The following PHF24 variants were observed in gnomAD, a reference collection of about 807,000 sequenced individuals.
The protein encoded by PHF24 is PHD finger protein 24.
PHF24 carries 25 observed loss-of-function variants against 42.6 expected under a neutral mutation model. The ratio of observed to expected loss-of-function variants is 0.59; its 90% CI spans 0.43 to 0.82. The LOEUF is 0.82. Ranked by LOEUF, PHF24 falls within the 40% of genes least tolerant of loss-of-function variation. The pLI is 0.00. For synonymous variants in PHF24, 185 were observed against 204.8 expected, an observed-to-expected ratio of 0.90 and a Z score of 0.83; for missense variants, 470 against 538.1, an observed-to-expected ratio of 0.87 and a Z score of 1.25.
chr9:34,695,038 G>T, the PHF24 span, among the ~76,000 whole-genome samples: 1 of 152,164 alleles, frequency 6.6e-6, no homozygotes, highest in Admixed American at 6.5e-5. Flanking sequence ...ATAACTGGTG[G>T]CTGGGGGCCT....
the PHF24 span, among the ~76,000 whole-genome samples, chr9:34,940,227 G>C: frequency 6.6e-6 from 1 of 152,068 alleles, no homozygotes; most frequent in Non-Finnish European, 1.5e-5. Context: ...GGGTATGCCT[G>C]CAGCTGCAGA....
chr9:34,777,815 C>T, the PHF24 span, among the ~76,000 whole-genome samples: 2 of 152,186 alleles, frequency 1.3e-5, no homozygotes, highest in Non-Finnish European at 2.9e-5. Flanking sequence ...TTTTCTGTAG[C>T]TGTTTAGGTC....
the PHF24 span, among the ~76,000 whole-genome samples, chr9:34,673,417 T>C: frequency 6.6e-6 from 1 of 151,878 alleles, no homozygotes; most frequent in African/African-American, 2.4e-5. Flanking sequence ...AACCCCTGGA[T>C]CCAGCCAGGG....
the PHF24 span, among the ~76,000 whole-genome samples, chr9:34,703,416 G>A: frequency 2.6e-5 from 4 of 152,028 alleles, no homozygotes; most frequent in Admixed American, 2.0e-4. Flanking sequence ...TGATCCACCC[G>A]CCTCGGCCTC....
the PHF24 span, among the ~76,000 whole-genome samples, chr9:34,898,889 A>G: frequency 2.0e-5 from 3 of 152,088 alleles, no homozygotes; most frequent in Admixed American, 6.5e-5. Context: ...AAAACCATCT[A>G]CTGAAAACTC....
the PHF24 span, chr9:34,729,304 G>T: frequency 3.2e-6 from 5 of 1,552,014 alleles, no homozygotes; most frequent in African/African-American, 5.5e-5. Flanking sequence ...CTCCTTTTAG[G>T]TTCTGAACTC....
At chr9:34,909,918 C>T in the PHF24 span, among the ~76,000 whole-genome samples, 14 of 152,306 alleles carry the variant, frequency 9.2e-5, no homozygotes, top group African/African-American at 1.4e-4. Context: ...TGAGCCACCG[C>T]GCCCAGCCGA....
At chr9:34,768,452 C>G in the PHF24 span, among the ~76,000 whole-genome samples, 1 of 152,146 alleles carries the variant, frequency 6.6e-6, no homozygotes, top group African/African-American at 2.4e-5. Flanking sequence ...TTGAATCTTA[C>G]TTTTACCACT....
At chr9:34,865,664 A>C in the PHF24 span, among the ~76,000 whole-genome samples, 76,988 of 152,100 alleles carry the variant, frequency 0.51, 20,966 homozygotes, top group Non-Finnish European at 0.61. Flanking sequence ...CAAAAAGTAA[A>C]ATGCATAGCT....
the PHF24 span, among the ~76,000 whole-genome samples, chr9:34,701,928 T>C: frequency 4.6e-5 from 7 of 152,146 alleles, no homozygotes. The surrounding 1 kb of genome is among the most constrained non-coding windows in gnomAD (Gnocchi z 5.8). Flanking sequence ...CTTGAAATAA[T>C]TACTGTTTGG....
At chr9:34,855,546 C>G in the PHF24 span, among the ~76,000 whole-genome samples, 96 of 152,264 alleles carry the variant, frequency 6.3e-4, no homozygotes, top group Middle Eastern at 3.4e-3. Flanking sequence ...CTTAGTTTGG[C>G]TGGATATTAA....
chr9:34,827,671 C>G, the PHF24 span, among the ~76,000 whole-genome samples: 1 of 152,310 alleles, frequency 6.6e-6, no homozygotes, highest in East Asian at 1.9e-4. Flanking sequence ...TTCTGTAGCT[C>G]TTGGCTCCTC....
At chr9:34,836,917 T>G in the PHF24 span, 5 of 321,000 alleles carry the variant, frequency 1.6e-5, no homozygotes, top group African/African-American at 1.1e-4. Context: ...TAATTATGCC[T>G]TTGCAACCCT....
chr9:34,824,770 C>G, the PHF24 span, among the ~76,000 whole-genome samples: 1 of 152,184 alleles, frequency 6.6e-6, no homozygotes. Flanking sequence ...GGGTCCTCCA[C>G]AGTTCATGGG....
chr9:34,722,114 T>C, the PHF24 span, among the ~76,000 whole-genome samples: 1 of 152,202 alleles, frequency 6.6e-6, no homozygotes. Context: ...GCCAGGACCC[T>C]CCCTGAGGAC....
intron 2 of PHF24, 100 bp from the exon 3 acceptor site, chr9:34,972,246 G>A: frequency 9.4e-7 from 1 of 1,064,132 alleles, no homozygotes; most frequent in Non-Finnish European, 1.3e-6. Context: ...GGCTAATCTG[G>A]GAAGACTCAG....
At chr9:34,684,360 A>G in the PHF24 span, among the ~76,000 whole-genome samples, 2 of 152,174 alleles carry the variant, frequency 1.3e-5, no homozygotes. Flanking sequence ...GGGGCCTTAC[A>G]CTAACATTCA....
chr9:34,713,221 A>G, the PHF24 span, among the ~76,000 whole-genome samples: 2 of 152,216 alleles, frequency 1.3e-5, no homozygotes, highest in African/African-American at 4.8e-5. Context: ...CTTCCCCGCA[A>G]AAAGATTCTG....
chr9:34,839,086 A>G, the PHF24 span, among the ~76,000 whole-genome samples: 1 of 152,210 alleles, frequency 6.6e-6, no homozygotes, highest in Non-Finnish European at 1.5e-5. Context: ...GGCCGTATCT[A>G]TCCAGTCTGT....
Sources: gnomAD v4.1 joint callset for allele counts (sites outside exome capture counted in the v4.1 genomes callset) on GRCh38, gnomAD v4.1.1 for gene constraint, Gnocchi (gnomAD v3.1) non-coding constraint, MANE v1.5 for transcripts, NCBI Gene and HGNC (gene_info 2026-07-23, HGNC 2026-07-21) for gene names.